The following TTC23L variants were observed in gnomAD, a reference collection of about 807,000 sequenced individuals.
The protein encoded by TTC23L is tetratricopeptide repeat protein 23-like.
Under a neutral mutation model 48.1 loss-of-function variants are expected in TTC23L, and 42 were observed. The ratio of observed to expected loss-of-function variants is 0.87; its 90% CI spans 0.68 to 1.13. The LOEUF (loss-of-function observed/expected upper bound fraction) is 1.13, where lower values mean the gene tolerates loss of function less well. TTC23L is among the 50% of genes most tolerant of loss of function. The pLI is 0.00. For missense variants in TTC23L, 391 were observed against 421.0 expected (o/e 0.93, Z 0.62); for synonymous variants, 159 against 157.2 (o/e 1.01, Z -0.09).
the TTC23L span, among the ~76,000 whole-genome samples, chr5:34,919,232 C>G: frequency 4.4e-4 from 63 of 141,974 alleles, no homozygotes; most frequent in Middle Eastern, 7.5e-3. Context: ...GCCGTGATTG[C>G]GCCACTACAT....
rs187140567 is a variant in TTC23L at position 34,861,928 on chromosome 5, A to C, written c.380-970A>C. 5.4e-3 allele frequency among the ~76,000 whole-genome samples: 825 copies of C among 152,314 alleles called. 5 individuals carry two copies. The highest frequency in any genetic ancestry group is 8.8e-3 in the Non-Finnish European group (598 of 68,026). ...CAAATAGCAGCTTGAGTAAGTGCCC[A>C]GGAACACCAGCAAAAAACAAGGGGA... is the stretch of plus-strand genomic sequence containing the variant. On this transcript the variant is annotated intron_variant, in intron 4 of 10. Transcript: ENST00000505624.
At chr5:34,848,586 G>A (rs963371223) in intron 3 of TTC23L, among the ~76,000 whole-genome samples, 3 of 152,192 alleles carry the variant, frequency 2.0e-5, no homozygotes. Flanking sequence ...TGATGAAGTG[G>A]TGTCTATTTT....
the TTC23L span, chr5:34,925,547 C>CA: frequency 6.7e-7 from 1 of 1,485,706 alleles, no homozygotes; most frequent in Non-Finnish European, 9.1e-7. Context: ...ATTTTGTATT[C>CA]AATGTGTAAA....
At chr5:34,899,665 C>A (rs1474427447), downstream of TTC23L, among the ~76,000 whole-genome samples, 1 of 152,142 alleles carries the variant, frequency 6.6e-6, no homozygotes, top group African/African-American at 2.4e-5. Flanking sequence ...CCGAGGCAGG[C>A]CAATCATGAA....
intron 1 of TTC23L, 42 bp downstream of exon 1, chr5:34,839,301 C>G (rs1029128641): frequency 1.3e-5 from 2 of 152,710 alleles, no homozygotes; most frequent in Non-Finnish European, 2.9e-5. Context: ...GAGGAAGCCG[C>G]GCCGTCGGGC....
intron 9 of TTC23L, among the ~76,000 whole-genome samples, chr5:34,882,652 CACACACAAT>C (rs1199378556): frequency 6.6e-6 from 1 of 151,538 alleles, no homozygotes; most frequent in Non-Finnish European, 1.5e-5. Context: ...CACACACACA[CACACACAAT>C]ATCTTTTGAT....
the TTC23L span, among the ~76,000 whole-genome samples, chr5:34,909,548 T>A: frequency 6.6e-6 from 1 of 152,202 alleles, no homozygotes; most frequent in African/African-American, 2.4e-5. Context: ...AATCAATGGG[T>A]TTGAAGAAAA....
At chr5:34,879,398 T>C (rs1049095779) in intron 8 of TTC23L, among the ~76,000 whole-genome samples, 1 of 152,204 alleles carries the variant, frequency 6.6e-6, no homozygotes, top group Non-Finnish European at 1.5e-5. Flanking sequence ...AAACGTATTA[T>C]GTTTGGAAAG....
At chr5:34,916,229 T>A in the TTC23L span, 1 of 196,718 alleles carries the variant, frequency 5.1e-6, no homozygotes, top group African/African-American at 2.3e-5. Flanking sequence ...TTTTCCTTGG[T>A]TATTTCTCGC....
At chr5:34,901,517 C>A (rs1185144197), downstream of TTC23L, among the ~76,000 whole-genome samples, 1 of 152,144 alleles carries the variant, frequency 6.6e-6, no homozygotes, top group African/African-American at 2.4e-5. Flanking sequence ...AATCCCAGCA[C>A]TTTGGGAGGC....
At position 34,885,652 on chromosome 5, in the gene TTC23L, C is replaced by T. The variant is rs78744189; in HGVS notation, c.1077+5344C>T. The stretch of plus-strand genomic sequence containing the variant: ...TAGTCCCAGCTACTTTAGAGGCTGA[C>T]GTAGAGGATCATTTGAGCCTGGGAG... On this transcript the variant is annotated intron_variant, in intron 9 of 10. Transcript: ENST00000505624. Among the ~76,000 whole-genome samples, 300 of 151,810 alleles carry T rather than the reference C, an allele frequency of 2.0e-3. 1 individual carries two copies. Among genetic ancestry groups the T allele is most frequent in the African/African-American group, 6.9e-3 (284 of 41,392 alleles).
At chr5:34,850,429 A>G in intron 4 of TTC23L, 121 bp downstream of exon 4, 1 of 1,218,552 alleles carries the variant, frequency 8.2e-7, no homozygotes, top group Non-Finnish European at 1.2e-6. Context: ...CTCACACATT[A>G]TCAGGAAGGA....
intron 2 of TTC23L, among the ~76,000 whole-genome samples, chr5:34,843,954 AAAC>A (rs1280440230): frequency 6.6e-6 from 1 of 152,228 alleles, no homozygotes; most frequent in Non-Finnish European, 1.5e-5. Flanking sequence ...CAAACCAAAG[AAAC>A]AACAATAAAA....
At chr5:34,867,634 G>A (rs1445321421) in intron 7 of TTC23L, 2 of 154,886 alleles carry the variant, frequency 1.3e-5, no homozygotes, top group Non-Finnish European at 2.9e-5. Context: ...TATGTATCAT[G>A]TACTTGAAGC....
the TTC23L span, chr5:34,908,650 C>G: frequency 1.1e-6 from 1 of 937,288 alleles, no homozygotes; most frequent in Non-Finnish European, 1.6e-6. Flanking sequence ...CCTATCTTCC[C>G]CATTGTGCTT....
At chr5:34,852,029 T>A (rs879617965) in intron 4 of TTC23L, among the ~76,000 whole-genome samples, 1 of 152,156 alleles carries the variant, frequency 6.6e-6, no homozygotes, top group Non-Finnish European at 1.5e-5. Context: ...AATAGGTTTA[T>A]CAAGTAGATT....
intron 3 of TTC23L, among the ~76,000 whole-genome samples, chr5:34,849,565 A>G (rs935428347): frequency 6.6e-6 from 1 of 152,370 alleles, no homozygotes. Flanking sequence ...CAGTCAAACA[A>G]ATTATTTAAA....
chr5:34,890,826 A>G (rs111702558), intron 9 of TTC23L, among the ~76,000 whole-genome samples: 8,131 of 152,078 alleles, frequency 0.053, 305 homozygotes, highest in South Asian at 0.1. Context: ...GGGCTGGTCC[A>G]AACTTCTGTG....
In TTC23L at chr5:34,865,264, G is replaced by A. The variant is rs190145622; in HGVS notation, c.662+702G>A. 5.9e-5 allele frequency among the ~76,000 whole-genome samples: 9 copies of A among 152,302 alleles called. No homozygotes were observed. The East Asian group carries it at 1.7e-3, about 29-fold the overall frequency. On this transcript the variant is annotated intron_variant, in intron 6 of 10. Transcript: ENST00000505624. ...TTGAAAGCAATCTGTTTCCAAAACT[G>A]TAAGCACTTGGCACAGTAGGGTATA...
Sources: allele counts gnomAD v4.1 joint callset (sites outside exome capture counted in the v4.1 genomes callset), GRCh38; gene constraint gnomAD v4.1.1; transcripts MANE v1.5; gene names NCBI Gene and HGNC (gene_info 2026-07-23, HGNC 2026-07-21).